Variants in CNTN3 observed in about 807,000 individuals in gnomAD.
The protein encoded by CNTN3 is contactin 3, also known as contactin-3.
A neutral mutation model predicts 119.1 loss-of-function variants in CNTN3; 60 were observed. That is an observed-to-expected ratio of 0.50 (90% CI 0.41 to 0.62). CNTN3 has a LOEUF of 0.62. Ranked by LOEUF, CNTN3 falls within the 20% of genes least tolerant of loss-of-function variation. The pLI is 0.00. For missense variants in CNTN3, 1,101 were observed against 1,242.4 expected (o/e 0.89, Z 1.71); for synonymous variants, 450 against 438.7 (o/e 1.03, Z -0.32).
chr3:74,521,202 A>T lies in CNTN3; in HGVS notation c.-80-10T>A. The T allele has an allele frequency of 1.7e-6, 1 of 584,202 alleles. No individual in the cohort carries two copies. Among genetic ancestry groups the T allele is most frequent in the Non-Finnish European group, 2.9e-6 (1 of 350,796 alleles). 36.2% of individuals were successfully genotyped at this position (584,202 alleles called of 1,614,324 possible). A position where few individuals can be genotyped will look rare whatever the true frequency, so the allele number is the denominator to read the frequency against. On this transcript the variant is annotated splice_polypyrimidine_tract_variant and intron_variant, in intron 1 of 22. Coordinates refer to ENST00000263665, the MANE Select transcript of CNTN3 (RefSeq NM_020872.3). The stretch of plus-strand genomic sequence containing the variant: ...AGGTAAATCCTTTAATCTGTAAAAT[A>T]TATGTACAAAGAAGTTCGTTAAAAA...
At chr3:74,511,809 G>C (rs1291070735) in intron 2 of CNTN3, among the ~76,000 whole-genome samples, 2 of 152,048 alleles carry the variant, frequency 1.3e-5, no homozygotes, top group Non-Finnish European at 2.9e-5. Flanking sequence ...ACATTACAAG[G>C]GCAGAGTTGA....
chr3:74,381,506 T>A (rs1456312347), intron 5 of CNTN3, among the ~76,000 whole-genome samples: 1 of 152,162 alleles, frequency 6.6e-6, no homozygotes, highest in Non-Finnish European at 1.5e-5. Flanking sequence ...GGAGACTTCA[T>A]AGCTGCTTCA....
intron 5 of CNTN3, among the ~76,000 whole-genome samples, chr3:74,376,525 C>T (rs1459232496): frequency 6.6e-6 from 1 of 152,186 alleles, no homozygotes; most frequent in Non-Finnish European, 1.5e-5. Context: ...TGTCTCCCAT[C>T]ACCCCTAGAT....
intron 1 of CNTN3, among the ~76,000 whole-genome samples, chr3:74,581,767 G>A (rs982505193): frequency 4.6e-5 from 7 of 152,046 alleles, no homozygotes; most frequent in Admixed American, 4.6e-4. Context: ...GACAAATAGA[G>A]CAAGAAAAAA....
At chr3:74,481,438 G>A (rs569775773) in intron 4 of CNTN3, among the ~76,000 whole-genome samples, 35 of 151,854 alleles carry the variant, frequency 2.3e-4, no homozygotes, top group Non-Finnish European at 4.9e-4. Flanking sequence ...TTAGAAATCA[G>A]TATCAAAAGA....
chr3:74,345,760 C>A (rs1403396338), intron 11 of CNTN3, among the ~76,000 whole-genome samples: 3 of 152,186 alleles, frequency 2.0e-5, no homozygotes, highest in Non-Finnish European at 4.4e-5. Flanking sequence ...TGTTTCATTT[C>A]ATCTTACAGA....
At chr3:74,536,620 G>T (rs1703769133) in intron 1 of CNTN3, among the ~76,000 whole-genome samples, 1 of 152,042 alleles carries the variant, frequency 6.6e-6, no homozygotes, top group Non-Finnish European at 1.5e-5. Flanking sequence ...TATGCTCCTG[G>T]AATGAACTTG....
At chr3:74,267,504 G>A in intron 20 of CNTN3, 126 bp from the exon 21 acceptor site, 1 of 617,458 alleles carries the variant, frequency 1.6e-6, no homozygotes, top group Non-Finnish European at 2.9e-6. Context: ...AATGCTTGGT[G>A]TAATAGATGA....
intron 8 of CNTN3, among the ~76,000 whole-genome samples, chr3:74,368,326 A>G (rs989492846): frequency 1.3e-5 from 2 of 152,204 alleles, no homozygotes; most frequent in Non-Finnish European, 2.9e-5. Context: ...GTGTTGCAAG[A>G]TGTTTCAATT....
At chr3:74,505,543 G>A (rs981740729) in intron 2 of CNTN3, among the ~76,000 whole-genome samples, 1 of 146,018 alleles carries the variant, frequency 6.8e-6, no homozygotes, top group Non-Finnish European at 1.5e-5. Flanking sequence ...CACACAATAT[G>A]TTACAGAAAA....
At chr3:74,358,597 ATTTAT>A (rs1703999673) in intron 11 of CNTN3, among the ~76,000 whole-genome samples, 1 of 55,520 alleles carries the variant, frequency 1.8e-5, no homozygotes, top group Non-Finnish European at 3.5e-5. Context: ...TTTTTTTTTG[ATTTAT>A]TTATTTATTT....
chr3:74,395,258 T>C (rs2106837281), intron 5 of CNTN3, among the ~76,000 whole-genome samples: 1 of 152,118 alleles, frequency 6.6e-6, no homozygotes, highest in Non-Finnish European at 1.5e-5. Flanking sequence ...CTCTACCCAA[T>C]CAACAGCTAA....
chr3:74,608,524 C>T (rs1483556835), intron 1 of CNTN3, among the ~76,000 whole-genome samples: 2 of 152,146 alleles, frequency 1.3e-5, no homozygotes, highest in Non-Finnish European at 2.9e-5. Flanking sequence ...TGCTCACAAC[C>T]TTTGGCTTAT....
chr3:74,327,082 A>G (rs1703149813), intron 13 of CNTN3, among the ~76,000 whole-genome samples: 5 of 144,944 alleles, frequency 3.4e-5, no homozygotes, highest in Admixed American at 2.8e-4. Context: ...GGGATATCCT[A>G]AAGTAGCTTA....
chr3:74,427,497 C>T (rs1701714535), intron 4 of CNTN3, among the ~76,000 whole-genome samples: 1 of 152,122 alleles, frequency 6.6e-6, no homozygotes, highest in East Asian at 1.9e-4. Context: ...GTGTCAATGT[C>T]TAAAAAGCTT....
chr3:74,587,225 T>C (rs777467683), intron 1 of CNTN3, among the ~76,000 whole-genome samples: 3 of 152,028 alleles, frequency 2.0e-5, no homozygotes, highest in African/African-American at 2.4e-5. Context: ...GGAAGCCCAA[T>C]TGAGTTCAAC....
chr3:74,451,564 G>T (rs1486984422), intron 4 of CNTN3, among the ~76,000 whole-genome samples: 1 of 152,074 alleles, frequency 6.6e-6, no homozygotes, highest in African/African-American at 2.4e-5. Context: ...ATTGCTTTTG[G>T]TGTTTTAGAC....
At chr3:74,311,730 C>T (rs1439891020) in intron 13 of CNTN3, among the ~76,000 whole-genome samples, 1 of 152,164 alleles carries the variant, frequency 6.6e-6, no homozygotes, top group African/African-American at 2.4e-5. Flanking sequence ...AGGTAAGGAA[C>T]TTAGAAGATG....
At chr3:74,470,963 G>A (rs1233767108) in intron 4 of CNTN3, among the ~76,000 whole-genome samples, 6 of 149,708 alleles carry the variant, frequency 4.0e-5, no homozygotes, top group Middle Eastern at 3.4e-3. Flanking sequence ...TGCAACCTCC[G>A]CCTCCCGGGT....
Sources: allele counts gnomAD v4.1 joint callset (sites outside exome capture counted in the v4.1 genomes callset), GRCh38; gene constraint gnomAD v4.1.1; transcripts MANE v1.5; gene names NCBI Gene and HGNC (gene_info 2026-07-23, HGNC 2026-07-21).